Variants in GRM8 observed in about 807,000 individuals in gnomAD.
The protein encoded by GRM8 is metabotropic glutamate receptor 8.
A neutral mutation model predicts 87.2 loss-of-function variants in GRM8; 47 were observed. The observed-to-expected ratio is 0.54, with a 90% CI of 0.43 to 0.69. The LOEUF (loss-of-function observed/expected upper bound fraction) is 0.69. GRM8 is among the 30% of genes least tolerant of loss of function. GRM8 has a pLI of 0.00. For missense variants in GRM8, 1,019 were observed against 1,139.2 expected, an observed-to-expected ratio of 0.89 and a Z score of 1.52; for synonymous variants, 396 against 404.5, an observed-to-expected ratio of 0.98 and a Z score of 0.25.
At chr7:127,153,715 G>A (rs1792545572) in intron 2 of GRM8, among the ~76,000 whole-genome samples, 1 of 152,052 alleles carries the variant, frequency 6.6e-6, no homozygotes, top group Admixed American at 6.6e-5. Flanking sequence ...TTCATTTTGT[G>A]TCACCAGCAC....
intron 6 of GRM8, among the ~76,000 whole-genome samples, chr7:126,877,909 C>A (rs1799669764): frequency 6.6e-6 from 1 of 152,186 alleles, no homozygotes; most frequent in Non-Finnish European, 1.5e-5. Flanking sequence ...CTTGATCATA[C>A]TTCTCACATC....
At chr7:127,085,597 A>G (rs916873175) in intron 3 of GRM8, among the ~76,000 whole-genome samples, 5 of 152,222 alleles carry the variant, frequency 3.3e-5, no homozygotes, top group Non-Finnish European at 7.3e-5. Flanking sequence ...TGTTGGCTGC[A>G]TAAATGTGTT....
rs377116279 is a variant in GRM8, at chr7:126,685,393, C to G, written c.1358-75895G>C. 4.6e-5 allele frequency among the ~76,000 whole-genome samples: 7 copies of G among 152,238 alleles called. No individual in the cohort carries two copies. Among genetic ancestry groups the G allele is most frequent in the East Asian group, 3.9e-4 (2 of 5,160 alleles). On this transcript the variant is annotated intron_variant, in intron 7 of 10. Coordinates refer to ENST00000339582, the MANE Select transcript of GRM8 (RefSeq NM_000845.3). The surrounding 1 kb of genome is among the most constrained non-coding windows in gnomAD (Gnocchi z 4.2). Reference sequence around the variant, plus strand: ...CCCTGGACAAGCGGGAGACCCACCCCCTCTGAGTTAGCTGGGTGGGAGCTC... The same window carrying G: ...CCCTGGACAAGCGGGAGACCCACCCGCTCTGAGTTAGCTGGGTGGGAGCTC...
At chr7:126,637,810 C>T (rs1802008140) in intron 7 of GRM8, among the ~76,000 whole-genome samples, 1 of 152,096 alleles carries the variant, frequency 6.6e-6, no homozygotes, top group South Asian at 2.1e-4. Context: ...CCATCTGCCC[C>T]TAAGGTAGCT....
At chr7:126,495,641 C>G (rs1182418409) in intron 9 of GRM8, among the ~76,000 whole-genome samples, 1 of 151,916 alleles carries the variant, frequency 6.6e-6, no homozygotes, top group East Asian at 1.9e-4. Context: ...TATTTTTCAT[C>G]TGGTCCTCAT....
At chr7:126,989,767 C>G (rs1812453798) in intron 3 of GRM8, among the ~76,000 whole-genome samples, 1 of 152,102 alleles carries the variant, frequency 6.6e-6, no homozygotes, top group Admixed American at 6.5e-5. Context: ...CATGGCAAAA[C>G]CCCATCTTTA....
intron 7 of GRM8, among the ~76,000 whole-genome samples, chr7:126,646,652 G>A (rs970583886): frequency 6.6e-5 from 10 of 152,088 alleles, no homozygotes; most frequent in African/African-American, 1.9e-4. Flanking sequence ...TGAATCCAAG[G>A]CTCACCACAC....
At chr7:126,566,160 C>T (rs1794196907) in intron 8 of GRM8, among the ~76,000 whole-genome samples, 3 of 151,830 alleles carry the variant, frequency 2.0e-5, no homozygotes, top group South Asian at 4.2e-4. Context: ...AAAGCATTGG[C>T]GAAGAAAACA....
At chr7:126,477,483 A>ATG (rs1806062901) in intron 9 of GRM8, among the ~76,000 whole-genome samples, 1 of 151,938 alleles carries the variant, frequency 6.6e-6, no homozygotes, top group Non-Finnish European at 1.5e-5. Flanking sequence ...TGAAATCATC[A>ATG]TGTCAGATAT....
intron 10 of GRM8, among the ~76,000 whole-genome samples, chr7:126,440,336 G>A (rs761426734): frequency 4.2e-5 from 6 of 143,438 alleles, no homozygotes; most frequent in Admixed American, 7.4e-5. Flanking sequence ...TGCTTGAACC[G>A]AGAGGCAGAG....
At chr7:127,084,876 C>G (rs987200367) in intron 3 of GRM8, 2 of 152,150 alleles carry the variant, frequency 1.3e-5, no homozygotes, top group Non-Finnish European at 2.9e-5. Context: ...AGGTTCATTA[C>G]TTAGGTATAC....
chr7:126,569,824 G>C (rs1263548319), intron 8 of GRM8, among the ~76,000 whole-genome samples: 1 of 152,136 alleles, frequency 6.6e-6, no homozygotes, highest in African/African-American at 2.4e-5. Context: ...GCAAATTACA[G>C]GCACCTAAGT....
chr7:126,803,316 G>A (rs906586227), intron 6 of GRM8, among the ~76,000 whole-genome samples: 3 of 152,060 alleles, frequency 2.0e-5, no homozygotes, highest in Non-Finnish European at 4.4e-5. Flanking sequence ...ACAGACTGCG[G>A]GTAGCTCCAT....
At chr7:126,712,831 CAT>C (rs771592071) in intron 7 of GRM8, among the ~76,000 whole-genome samples, 57 of 152,140 alleles carry the variant, frequency 3.7e-4, no homozygotes, top group African/African-American at 1.1e-3. Context: ...GGCTAAGAAA[CAT>C]GTGGGAAAAA....
chr7:126,872,249 T>C (rs1009984310), intron 6 of GRM8, among the ~76,000 whole-genome samples: 4 of 152,152 alleles, frequency 2.6e-5, no homozygotes, highest in African/African-American at 9.7e-5. Flanking sequence ...CCCTATCTCT[T>C]ATTTTCTGCT....
intron 2 of GRM8, among the ~76,000 whole-genome samples, chr7:127,132,163 T>C (rs1827723456): frequency 6.6e-6 from 1 of 152,300 alleles, no homozygotes; most frequent in Admixed American, 6.5e-5. Flanking sequence ...GGTCTTGCTT[T>C]GTTAGAAAAA....
chr7:126,710,907 T>C (rs563041073), intron 7 of GRM8, among the ~76,000 whole-genome samples: 1 of 152,332 alleles, frequency 6.6e-6, no homozygotes, highest in African/African-American at 2.4e-5. Context: ...GGTACATGGC[T>C]CATGCCTGTA....
At chr7:127,069,795 G>T (rs1272090154) in intron 3 of GRM8, among the ~76,000 whole-genome samples, 1 of 152,224 alleles carries the variant, frequency 6.6e-6, no homozygotes, top group African/African-American at 2.4e-5. Flanking sequence ...TTAAATGTAT[G>T]ATCCTAGTTT....
At chr7:127,083,994 A>G (rs1823167635) in intron 3 of GRM8, among the ~76,000 whole-genome samples, 1 of 152,212 alleles carries the variant, frequency 6.6e-6, no homozygotes, top group Non-Finnish European at 1.5e-5. Context: ...CAAGTACTTC[A>G]TACATGTATT....
Sources: allele counts gnomAD v4.1 joint callset (sites outside exome capture counted in the v4.1 genomes callset), GRCh38; gene constraint gnomAD v4.1.1; non-coding constraint Gnocchi (gnomAD v3.1); transcripts MANE v1.5; gene names NCBI Gene and HGNC (gene_info 2026-07-23, HGNC 2026-07-21).